VTCN1: variants seen among roughly 807,000 people sequenced by gnomAD.
The protein encoded by VTCN1 is V-set domain containing T cell activation inhibitor 1, also known as V-set domain-containing T-cell activation inhibitor 1.
A neutral mutation model predicts 26.5 loss-of-function variants in VTCN1; 26 were observed. The ratio of observed to expected loss-of-function variants is 0.98; its 90% CI spans 0.72 to 1.36. The LOEUF (loss-of-function observed/expected upper bound fraction) is 1.36. Among genes scored for constraint, VTCN1 ranks in the 40% most tolerant of loss-of-function variants. The pLI is 0.00. For missense variants in VTCN1, 298 were observed against 337.7 expected, an observed-to-expected ratio of 0.88 and a Z score of 0.92; for synonymous variants, 116 against 130.7, an observed-to-expected ratio of 0.89 and a Z score of 0.77.
At chr1:117,172,974 C>T (rs1210376620) in intron 1 of VTCN1, among the ~76,000 whole-genome samples, 1 of 152,194 alleles carries the variant, frequency 6.6e-6, no homozygotes, top group Non-Finnish European at 1.5e-5. Flanking sequence ...GGTCCCCTTC[C>T]ATGCTGTGGA....
chr1:117,204,682 C>T (rs1429336596), intron 1 of VTCN1, among the ~76,000 whole-genome samples: 10 of 152,004 alleles, frequency 6.6e-5, no homozygotes, highest in African/African-American at 1.9e-4. Flanking sequence ...CTGGCTAACA[C>T]GGTGAAACCT....
intron 2 of VTCN1, among the ~76,000 whole-genome samples, chr1:117,163,676 G>A (rs988932096): frequency 6.6e-6 from 1 of 152,194 alleles, no homozygotes; most frequent in Admixed American, 6.5e-5. Flanking sequence ...GTAGAGTCAG[G>A]GTCAAACACA....
intron 4 of VTCN1, among the ~76,000 whole-genome samples, chr1:117,150,898 C>T (rs1386608958): frequency 6.6e-6 from 1 of 152,194 alleles, no homozygotes; most frequent in Non-Finnish European, 1.5e-5. Context: ...GCTTATTTCA[C>T]ATAGATAATG....
chr1:117,183,947 C>T lies in VTCN1; in HGVS notation c.33-13776G>A, dbSNP rs927771371. Among the ~76,000 whole-genome samples the T allele has an allele frequency of 6.6e-6, 1 of 152,038 alleles. No homozygotes were observed. Among genetic ancestry groups the T allele is most frequent in the Non-Finnish European group, 1.5e-5 (1 of 68,036 alleles). ...GCGCAATGGCTATGCATTCCAGGGA[C>T]CAAAAGCTTCTGTCTTCAGAGCCAT... On this transcript the variant is annotated intron_variant, in intron 1 of 5. Transcript: ENST00000369458. This position sits in a 1 kb window ranked among gnomAD's most constrained non-coding sequence, Gnocchi z 4.1.
rs1289133109 is a variant in VTCN1, at chr1:117,169,792, G to T, written c.97+315C>A. ...TGCCTGTAGTCCTAGCTACTTGGGA[G>T]GCTGAGGTGAGAGGATGGCTTGAAC... On this transcript the variant is annotated intron_variant, in intron 2 of 5. Coordinates refer to ENST00000369458, the MANE Select transcript of VTCN1 (RefSeq NM_024626.4). The surrounding 1 kb of genome is among the most constrained non-coding windows in gnomAD (Gnocchi z 4.0). Among the ~76,000 whole-genome samples, 3 of 152,104 alleles carry T rather than the reference G, an allele frequency of 2.0e-5. No individual in the cohort carries two copies. The highest frequency in any genetic ancestry group is 1.3e-4 in the Admixed American group (2 of 15,278).
chr1:117,196,820 G>C (rs945418748), intron 1 of VTCN1, among the ~76,000 whole-genome samples: 1 of 152,164 alleles, frequency 6.6e-6, no homozygotes, highest in African/African-American at 2.4e-5. Context: ...TTCTTCATAA[G>C]TCAATACATG....
intron 3 of VTCN1, 67 bp downstream of exon 3, chr1:117,156,507 C>T: frequency 7.0e-7 from 1 of 1,422,260 alleles, no homozygotes; most frequent in Non-Finnish European, 9.4e-7. Context: ...ATTTCATAAG[C>T]AACTCATAAT....
At chr1:117,189,261 T>C (rs970867813) in intron 1 of VTCN1, among the ~76,000 whole-genome samples, 1 of 152,182 alleles carries the variant, frequency 6.6e-6, no homozygotes, top group Non-Finnish European at 1.5e-5. Flanking sequence ...CTGCCTATTT[T>C]CTTGTCTCGC....
chr1:117,194,753 T>A (rs1648424693), intron 1 of VTCN1, among the ~76,000 whole-genome samples: 1 of 152,162 alleles, frequency 6.6e-6, no homozygotes, highest in South Asian at 2.1e-4. Flanking sequence ...TTATGCTAAG[T>A]GAAATATATC....
intron 1 of VTCN1, among the ~76,000 whole-genome samples, chr1:117,187,831 A>G (rs970242451): frequency 6.6e-6 from 1 of 152,156 alleles, no homozygotes; most frequent in African/African-American, 2.4e-5. Flanking sequence ...TTAAAGAACA[A>G]AACAAAAAAT....
chr1:117,198,367 A>G (rs1019244337), intron 1 of VTCN1, among the ~76,000 whole-genome samples: 6 of 152,258 alleles, frequency 3.9e-5, no homozygotes, highest in Non-Finnish European at 8.8e-5. Flanking sequence ...AGGATCTCTC[A>G]TGGGAAGGAT....
chr1:117,208,959 AG>A (rs1649230090), intron 1 of VTCN1, among the ~76,000 whole-genome samples: 1 of 152,184 alleles, frequency 6.6e-6, no homozygotes, highest in Admixed American at 6.5e-5. Flanking sequence ...ATTATGACAA[AG>A]GAAGAGGGTT....
At chr1:117,152,081 TAGG>T (rs1193164701) in intron 4 of VTCN1, among the ~76,000 whole-genome samples, 1 of 152,218 alleles carries the variant, frequency 6.6e-6, no homozygotes, top group Non-Finnish European at 1.5e-5. Flanking sequence ...TGTTGAGTTG[TAGG>T]AGTTCTTAAT....
At chr1:117,182,076 G>A (rs1195153337) in intron 1 of VTCN1, among the ~76,000 whole-genome samples, 4 of 152,166 alleles carry the variant, frequency 2.6e-5, no homozygotes, top group Non-Finnish European at 4.4e-5. Context: ...TGGGATCAGT[G>A]CACTGTTTAT....
At position 117,175,068 on chromosome 1, in the gene VTCN1, C is replaced by G; in HGVS notation, c.33-4897G>C. Among the ~76,000 whole-genome samples the G allele has an allele frequency of 6.6e-6, 1 of 151,950 alleles. No homozygotes were observed. Among genetic ancestry groups the G allele is most frequent in the East Asian group, 1.9e-4 (1 of 5,172 alleles). On this transcript the variant is annotated intron_variant, in intron 1 of 5. Transcript: ENST00000369458. This position sits in a 1 kb window ranked among gnomAD's most constrained non-coding sequence, Gnocchi z 4.2. ...TTCCTGAGGAGGGCCTGGTTCGATT[C>G]CCTCACATGCCTGCTTCAGCTGCTG...
chr1:117,190,467 C>T (rs1474621669), intron 1 of VTCN1, among the ~76,000 whole-genome samples: 2 of 152,240 alleles, frequency 1.3e-5, no homozygotes, highest in African/African-American at 4.8e-5. Context: ...TGCTTACTAA[C>T]TCAGCAGGTA....
chr1:117,172,073 G>A (rs1176255690), intron 1 of VTCN1, among the ~76,000 whole-genome samples: 2 of 152,142 alleles, frequency 1.3e-5, no homozygotes, highest in Admixed American at 6.5e-5. Context: ...GTCCTCAGCC[G>A]CCCGCTCACA....
intron 2 of VTCN1, among the ~76,000 whole-genome samples, chr1:117,160,513 T>C (rs1402500957): frequency 4.6e-5 from 7 of 152,214 alleles, no homozygotes; most frequent in Non-Finnish European, 1.5e-5. Context: ...CTAAGAGCTG[T>C]GGAATGGATT....
intron 2 of VTCN1, among the ~76,000 whole-genome samples, chr1:117,157,448 T>C (rs1409644293): frequency 1.3e-5 from 2 of 152,190 alleles, no homozygotes; most frequent in East Asian, 3.9e-4. Flanking sequence ...TACATGGTGG[T>C]GGCAAGAGAA....
Sources: allele counts gnomAD v4.1 joint callset (sites outside exome capture counted in the v4.1 genomes callset), GRCh38; gene constraint gnomAD v4.1.1; non-coding constraint Gnocchi (gnomAD v3.1); transcripts MANE v1.5; gene names NCBI Gene and HGNC (gene_info 2026-07-23, HGNC 2026-07-21).